LAMA2: variants seen among roughly 807,000 people sequenced by gnomAD.
The protein encoded by LAMA2 is laminin subunit alpha 2, also known as laminin subunit alpha-2.
A neutral mutation model predicts 364.8 loss-of-function variants in LAMA2; 269 were observed. The ratio of observed to expected loss-of-function variants is 0.74; its 90% CI spans 0.67 to 0.82. LAMA2 has a LOEUF of 0.82. Among genes scored for constraint, LAMA2 ranks in the 40% least tolerant of loss-of-function variants. LAMA2 has a pLI of 0.00. For missense variants in LAMA2, 3,807 were observed against 3,873.2 expected, an observed-to-expected ratio of 0.98 and a Z score of 0.45; for synonymous variants, 1,379 against 1,370.6, an observed-to-expected ratio of 1.01 and a Z score of -0.14.
At chr6:129,384,041 G>C (rs990800208) in intron 35 of LAMA2, among the ~76,000 whole-genome samples, 1 of 152,112 alleles carries the variant, frequency 6.6e-6, no homozygotes, top group African/African-American at 2.4e-5. Context: ...TCAACTTCAA[G>C]GCAGATTCTG....
rs1281690710 is a variant in LAMA2 at position 129,020,421 on chromosome 6, C to T, written c.113-29497C>T. 2.0e-5 allele frequency among the ~76,000 whole-genome samples: 3 copies of T among 152,038 alleles called. No individual in the cohort carries two copies. The East Asian group carries it at 5.8e-4, about 29-fold the overall frequency. On this transcript the variant is annotated intron_variant, in intron 1 of 64. Transcript: ENST00000421865. ...ACACGCACATGTACCTGGAAGGCAA[C>T]AAAGTATGAGACTTAAAGAGGGGCC...
chr6:129,058,256 C>A (rs1476482850), intron 2 of LAMA2, among the ~76,000 whole-genome samples: 1 of 152,136 alleles, frequency 6.6e-6, no homozygotes, highest in Non-Finnish European at 1.5e-5. Context: ...TGACTGGGAA[C>A]CAAAATGCAA....
rs560892939 is a variant in LAMA2 at position 129,209,645 on chromosome 6, A to G, written c.1782+16792A>G. Among the ~76,000 whole-genome samples, 9 of 152,312 alleles carry G rather than the reference A, an allele frequency of 5.9e-5. No individual in the cohort carries two copies. The East Asian group carries it at 1.7e-3, about 29-fold the overall frequency. On this transcript the variant is annotated intron_variant, in intron 12 of 64. Transcript: ENST00000421865. Reference sequence around the variant, plus strand: ...CTCCTTTAAAAATCTAGTTATTGCTATGAAAGTCTCTCAAGTGCGGTGCTC... The same window carrying G: ...CTCCTTTAAAAATCTAGTTATTGCTGTGAAAGTCTCTCAAGTGCGGTGCTC...
Position 128,959,722 on chromosome 6 carries a change from C to A in LAMA2, c.112+76365C>A, listed in dbSNP as rs548162334. On this transcript the variant is annotated intron_variant, in intron 1 of 64. Coordinates refer to ENST00000421865, the MANE Select transcript of LAMA2 (RefSeq NM_000426.4). Reference sequence around the variant, plus strand: ...CCTGCCCACTGCCATTCCTGGTCTCCCTAAACAAGTCTTAGTATTTCTTCC... The same window carrying A: ...CCTGCCCACTGCCATTCCTGGTCTCACTAAACAAGTCTTAGTATTTCTTCC... Among the ~76,000 whole-genome samples the A allele has an allele frequency of 7.9e-5, 12 of 152,180 alleles. No homozygotes were observed. In the South Asian group the frequency reaches 1.4e-3, roughly 18 times the overall value.
intron 4 of LAMA2, among the ~76,000 whole-genome samples, chr6:129,108,943 G>A (rs1031026010): frequency 1.3e-5 from 2 of 152,092 alleles, no homozygotes; most frequent in Non-Finnish European, 2.9e-5. Flanking sequence ...CACATTACAG[G>A]AGATCCAATA....
At chr6:128,982,796 G>A (rs1270232847) in intron 1 of LAMA2, among the ~76,000 whole-genome samples, 1 of 126,028 alleles carries the variant, frequency 7.9e-6, no homozygotes, top group Non-Finnish European at 1.6e-5. Flanking sequence ...AGAGTGTGAT[G>A]TTCCCCTTCT....
intron 8 of LAMA2, chr6:129,157,985 A>G (rs1779223267): frequency 6.2e-7 from 1 of 1,613,848 alleles, no homozygotes; most frequent in African/African-American, 1.3e-5. Context: ...GGCCCAGGTC[A>G]GCAATGCAGC....
intron 1 of LAMA2, among the ~76,000 whole-genome samples, chr6:128,995,089 G>A (rs9492181): frequency 0.025 from 3,761 of 152,154 alleles, 141 homozygotes; most frequent in African/African-American, 0.087. Context: ...GAATCTCTGC[G>A]TTCTATCTTT....
At chr6:129,198,132 C>T (rs887623398) in intron 12 of LAMA2, among the ~76,000 whole-genome samples, 2 of 151,976 alleles carry the variant, frequency 1.3e-5, no homozygotes, top group African/African-American at 2.4e-5. Context: ...GGCAACAAAA[C>T]TTACGTAATC....
At chr6:129,134,175 G>GTAC (rs1275220944) in intron 4 of LAMA2, among the ~76,000 whole-genome samples, 1 of 152,166 alleles carries the variant, frequency 6.6e-6, no homozygotes, top group Non-Finnish European at 1.5e-5. Flanking sequence ...GTAGGTCATT[G>GTAC]TACTCTCAGT....
rs1776492701 is a variant in LAMA2 at position 129,116,535 on chromosome 6, C to G, written c.639+18120C>G. Among the ~76,000 whole-genome samples, 3 of 151,802 alleles carry G rather than the reference C, an allele frequency of 2.0e-5. No individual in the cohort carries two copies. The South Asian group carries it at 6.2e-4, about 31-fold the overall frequency. On this transcript the variant is annotated intron_variant, in intron 4 of 64. Transcript: ENST00000421865. ...AAATATTTTTGGGATATGTATAGAACCAAGATGATTTGTGTGAAGGGTTTT... is the reference window on the plus strand; with the variant it reads ...AAATATTTTTGGGATATGTATAGAAGCAAGATGATTTGTGTGAAGGGTTTT...
intron 4 of LAMA2, among the ~76,000 whole-genome samples, chr6:129,126,524 G>A (rs1006889836): frequency 6.6e-6 from 1 of 151,308 alleles, no homozygotes; most frequent in Non-Finnish European, 1.5e-5. Context: ...TTTTCTCAAT[G>A]TGTACAATTC....
chr6:129,391,622 A>T lies in LAMA2; in HGVS notation c.5203A>T (p.Thr1735Ser). ...AGAACTGAGGAGGAAAAATCTAGAG[A>T]CACAAAAGGAAATTGCTGAAGATGA... ...IKELRRKNLETQKEIAEDELV... is the reference protein window; with the variant it reads ...IKELRRKNLESQKEIAEDELV... The change falls in exon 36 of 65, where the codon ACA (threonine) becomes TCA (serine). Residue 1735 changes from threonine (T) to serine (S), a missense_variant. Physicochemically the swap from Thr to Ser is moderately conservative, Grantham distance 58. Around this residue, in one of 3 missense-constraint regions of LAMA2, gnomAD observed 3,333 missense variants for 3,345.7 expected, o/e 1.00. Transcript: ENST00000421865. 6.2e-7 allele frequency: 1 copy of T among 1,613,888 alleles called. No individual in the cohort carries two copies. Among genetic ancestry groups the T allele is most frequent in the Non-Finnish European group, 8.5e-7 (1 of 1,179,784 alleles).
rs3828735 is a variant in LAMA2 at position 129,403,797 on chromosome 6, T to A, written c.5727-24T>A. 0.47 allele frequency: 743,041 copies of A among 1,594,536 alleles called. 176,592 individuals are homozygous for A. Among genetic ancestry groups the A allele is most frequent in the African/African-American group, 0.62 (46,261 of 74,340 alleles). ...TGAGTACCATTGAGTGCCCTGACAT[T>A]CCTTTTTTGAATCATCCCACCAGAA... On this transcript the variant is annotated intron_variant, in intron 39 of 64. Transcript: ENST00000421865.
chr6:129,344,573 C>T (rs1776441978), intron 30 of LAMA2, among the ~76,000 whole-genome samples: 1 of 151,990 alleles, frequency 6.6e-6, no homozygotes, highest in South Asian at 2.1e-4. Context: ...ATTGCAGGAG[C>T]AGATGAAGGA....
intron 1 of LAMA2, among the ~76,000 whole-genome samples, chr6:128,990,373 G>A (rs1274334218): frequency 1.3e-5 from 2 of 152,184 alleles, no homozygotes; most frequent in African/African-American, 4.8e-5. Flanking sequence ...TAGGATGCAT[G>A]CAAAATATCT....
intron 1 of LAMA2, among the ~76,000 whole-genome samples, chr6:128,972,735 A>C (rs1172154606): frequency 6.6e-6 from 1 of 152,176 alleles, no homozygotes; most frequent in Non-Finnish European, 1.5e-5. Context: ...CAGATTAAAA[A>C]AAATGAAATT....
chr6:129,405,943 G>A (rs931770319), intron 40 of LAMA2, among the ~76,000 whole-genome samples: 2 of 151,882 alleles, frequency 1.3e-5, no homozygotes, highest in African/African-American at 4.8e-5. Flanking sequence ...CTATAAAGAA[G>A]GAAGAATGTT....
chr6:129,368,486 T>A (rs768273589), intron 33 of LAMA2, among the ~76,000 whole-genome samples: 3 of 152,216 alleles, frequency 2.0e-5, no homozygotes, highest in Non-Finnish European at 4.4e-5. Flanking sequence ...GTGAAGAGTT[T>A]TAATGAAAAG....
Sources: gnomAD v4.1 joint callset for allele counts (sites outside exome capture counted in the v4.1 genomes callset) on GRCh38, gnomAD v4.1.1 for gene constraint, gnomAD v4.1.1 regional missense constraint, MANE v1.5 for transcripts, NCBI Gene and HGNC (gene_info 2026-07-23, HGNC 2026-07-21) for gene names.